AIG1: variants seen among roughly 807,000 people sequenced by gnomAD.
AIG1 encodes the protein androgen-induced gene 1 protein.
A neutral mutation model predicts 31.4 loss-of-function variants in AIG1; 23 were observed. That is an observed-to-expected ratio of 0.73 (90% CI 0.53 to 1.04). AIG1 has a LOEUF of 1.04. Among genes scored for constraint, AIG1 ranks in the 50% least tolerant of loss-of-function variants. The pLI, the probability that AIG1 is intolerant of heterozygous loss-of-function variation, is 0.00. For synonymous variants in AIG1, 100 were observed against 110.5 expected (o/e 0.90, Z 0.60); for missense variants, 274 against 295.0 (o/e 0.93, Z 0.52).
chr6:143,338,485 C>T lies in AIG1; in HGVS notation c.680-1154C>T, dbSNP rs1013301731. The T allele has an allele frequency of 6.5e-6, 1 of 152,826 alleles. No homozygotes were observed. The highest frequency in any genetic ancestry group is 1.5e-5 in the Non-Finnish European group (1 of 68,522). 9.5% of individuals were successfully genotyped at this position (152,826 alleles called of 1,614,324 possible). A position where few individuals can be genotyped will look rare whatever the true frequency, so the allele number is the denominator to read the frequency against. On this transcript the variant is annotated intron_variant, in intron 5 of 5. Transcript: ENST00000357847. The surrounding 1 kb of genome is among the most constrained non-coding windows in gnomAD (Gnocchi z 4.3). ...CATTCCACCACCACTACTCTGACAG[C>T]ACAAAACATATACCAGGAGCTGGGG...
At chr6:143,240,294 C>T (rs1489200376) in intron 3 of AIG1, among the ~76,000 whole-genome samples, 1 of 152,056 alleles carries the variant, frequency 6.6e-6, no homozygotes, top group Non-Finnish European at 1.5e-5. Context: ...TAGGCCCTGG[C>T]GAATACAGAA....
At chr6:143,164,746 A>C (rs538809908) in intron 2 of AIG1, among the ~76,000 whole-genome samples, 1 of 152,210 alleles carries the variant, frequency 6.6e-6, no homozygotes, top group Non-Finnish European at 1.5e-5. Flanking sequence ...AAAAACCACC[A>C]GTGAACTTTT....
intron 2 of AIG1, among the ~76,000 whole-genome samples, chr6:143,146,187 A>G (rs530922943): frequency 2.4e-4 from 36 of 151,976 alleles, no homozygotes; most frequent in Middle Eastern, 6.8e-3. Context: ...CAGAGTTCCT[A>G]CTCTCTCTGG....
intron 3 of AIG1, among the ~76,000 whole-genome samples, chr6:143,168,318 A>G (rs1258295977): frequency 6.6e-6 from 1 of 151,780 alleles, no homozygotes; most frequent in Non-Finnish European, 1.5e-5. Context: ...CAGGTTTGTT[A>G]CATATGTATA....
At chr6:143,307,568 T>C (rs1799422589) in intron 4 of AIG1, among the ~76,000 whole-genome samples, 1 of 152,152 alleles carries the variant, frequency 6.6e-6, no homozygotes, top group Non-Finnish European at 1.5e-5. Context: ...AAGTTTTATC[T>C]CAGAGGAGTA....
At chr6:143,209,562 G>A (rs1297842670) in intron 3 of AIG1, among the ~76,000 whole-genome samples, 2 of 152,100 alleles carry the variant, frequency 1.3e-5, no homozygotes, top group African/African-American at 4.8e-5. Context: ...TGGAGGAGGG[G>A]GCAATGAACC....
At position 143,335,400 on chromosome 6, in the gene AIG1, C is replaced by T. The variant is rs1777400903; in HGVS notation, c.679+1955C>T. 1.6e-5 allele frequency: 3 copies of T among 182,468 alleles called. No individual in the cohort carries two copies. In the East Asian group the frequency reaches 3.9e-4, roughly 24 times the overall value. 11.3% of individuals were successfully genotyped at this position (182,468 alleles called of 1,614,324 possible). On this transcript the variant is annotated intron_variant, in intron 5 of 5. Coordinates refer to ENST00000357847, the MANE Select transcript of AIG1 (RefSeq NM_016108.4). The stretch of plus-strand genomic sequence containing the variant: ...TACAAAAATTAGCCAGGCATGGTGG[C>T]GTGTGCCTGTAGTCCCAGGTACTCG...
rs977787677 is a variant in AIG1 at position 143,331,937 on chromosome 6, T to C, written c.516-1345T>C. Among the ~76,000 whole-genome samples the C allele has an allele frequency of 2.0e-5, 3 of 151,298 alleles. No homozygotes were observed. Among genetic ancestry groups the C allele is most frequent in the Non-Finnish European group, 4.4e-5 (3 of 67,918 alleles). ...CCCAGGCTGGAGTGCAGTGGTGTGATCTCAGCTCACTGCAACCTCTGCCTC... is the reference window on the plus strand; with the variant it reads ...CCCAGGCTGGAGTGCAGTGGTGTGACCTCAGCTCACTGCAACCTCTGCCTC... On this transcript the variant is annotated intron_variant, in intron 4 of 5. Transcript: ENST00000357847. The surrounding 1 kb of genome is among the most constrained non-coding windows in gnomAD (Gnocchi z 4.1).
At chr6:143,102,731 T>A (rs889861230) in intron 1 of AIG1, among the ~76,000 whole-genome samples, 2 of 151,846 alleles carry the variant, frequency 1.3e-5, no homozygotes, top group African/African-American at 4.8e-5. Context: ...TTGTTTTGGT[T>A]AACAGATAAC....
intron 3 of AIG1, among the ~76,000 whole-genome samples, chr6:143,267,415 C>G (rs1327456929): frequency 3.9e-5 from 6 of 152,170 alleles, no homozygotes; most frequent in African/African-American, 1.4e-4. Flanking sequence ...GCTGCCTATC[C>G]TCGTATAGCA....
At chr6:143,184,625 C>A (rs562868483) in intron 3 of AIG1, among the ~76,000 whole-genome samples, 1 of 152,342 alleles carries the variant, frequency 6.6e-6, no homozygotes, top group East Asian at 1.9e-4. Context: ...CCAGCTTCCT[C>A]ATGTCCACCA....
At chr6:143,276,903 G>C (rs1229446919) in intron 3 of AIG1, among the ~76,000 whole-genome samples, 1 of 152,138 alleles carries the variant, frequency 6.6e-6, no homozygotes, top group Non-Finnish European at 1.5e-5. Flanking sequence ...CCCTTGAAGA[G>C]GAGAAACATC....
At chr6:143,339,123 A>G (rs1777723601) in intron 5 of AIG1, 1 of 152,364 alleles carries the variant, frequency 6.6e-6, no homozygotes. Flanking sequence ...GGAAATAAAC[A>G]GCTCTTATGG....
chr6:143,246,196 C>G (rs1240673988), intron 3 of AIG1, among the ~76,000 whole-genome samples: 3 of 151,970 alleles, frequency 2.0e-5, no homozygotes, highest in Non-Finnish European at 4.4e-5. Context: ...TCAGTTTCCT[C>G]TTACAGTTAA....
chr6:143,312,356 A>C (rs973702630), intron 4 of AIG1, among the ~76,000 whole-genome samples: 1 of 152,086 alleles, frequency 6.6e-6, no homozygotes, highest in Non-Finnish European at 1.5e-5. Context: ...CTGGCATAAA[A>C]GCTGACACAG....
rs370341211 is a variant in AIG1, at chr6:143,293,616, G to C, written c.515+9391G>C. 1.6e-4 allele frequency among the ~76,000 whole-genome samples: 25 copies of C among 152,144 alleles called. No individual in the cohort carries two copies. The highest frequency in any genetic ancestry group is 8.5e-4 in the Admixed American group (13 of 15,290). Reference sequence around the variant, plus strand: ...CAGAAAAGGCTTGTGTATATAATCTGTCTCAATCCCCAGTATTTATTATTC... The same window carrying C: ...CAGAAAAGGCTTGTGTATATAATCTCTCTCAATCCCCAGTATTTATTATTC... On this transcript the variant is annotated intron_variant, in intron 4 of 5. Transcript: ENST00000357847. The surrounding 1 kb of genome is among the most constrained non-coding windows in gnomAD (Gnocchi z 4.8).
At chr6:143,102,782 C>T (rs1259356077) in intron 1 of AIG1, among the ~76,000 whole-genome samples, 1 of 151,988 alleles carries the variant, frequency 6.6e-6, no homozygotes, top group Non-Finnish European at 1.5e-5. Flanking sequence ...AGCAGAGACA[C>T]ATGTAGACAT....
chr6:143,078,511 T>C (rs1777927030), intron 1 of AIG1, among the ~76,000 whole-genome samples: 1 of 152,182 alleles, frequency 6.6e-6, no homozygotes, highest in Non-Finnish European at 1.5e-5. Flanking sequence ...CGAGACTCGG[T>C]AATTTATAAA....
At chr6:143,064,014 G>A (rs1187007642) in intron 1 of AIG1, among the ~76,000 whole-genome samples, 1 of 152,180 alleles carries the variant, frequency 6.6e-6, no homozygotes, top group Non-Finnish European at 1.5e-5. Context: ...TTGAGAAACT[G>A]TAAGAGAACT....
Sources: allele counts gnomAD v4.1 joint callset (sites outside exome capture counted in the v4.1 genomes callset), GRCh38; gene constraint gnomAD v4.1.1; non-coding constraint Gnocchi (gnomAD v3.1); transcripts MANE v1.5; gene names NCBI Gene and HGNC (gene_info 2026-07-23, HGNC 2026-07-21).